SLC9D1: variants seen among roughly 807,000 people sequenced by gnomAD.
SLC9D1 encodes the protein solute carrier family 9 member D1, also known as putative LAG1-interacting protein.
chr13:113,530,851 C>G, the SLC9D1 span, among the ~76,000 whole-genome samples: 1 of 152,198 alleles, frequency 6.6e-6, no homozygotes, highest in Non-Finnish European at 1.5e-5. Flanking sequence ...AGTTTGAAAA[C>G]AGGTCAGCAG....
chr13:113,517,461 C>CTCG, the SLC9D1 span, among the ~76,000 whole-genome samples: 1 of 152,066 alleles, frequency 6.6e-6, no homozygotes, highest in East Asian at 1.9e-4. Context: ...ATCTCCTGAC[C>CTCG]TCGTGATCCG....
the SLC9D1 span, among the ~76,000 whole-genome samples, chr13:113,501,428 G>A: frequency 1.3e-5 from 2 of 152,182 alleles, no homozygotes; most frequent in South Asian, 2.1e-4. Context: ...ATACCATCCC[G>A]TTTTGTATCA....
the SLC9D1 span, among the ~76,000 whole-genome samples, chr13:113,530,901 A>C: frequency 6.6e-6 from 1 of 152,144 alleles, no homozygotes. Flanking sequence ...GGAAACACCC[A>C]CCCTCACACC....
At chr13:113,540,993 T>A in the SLC9D1 span, among the ~76,000 whole-genome samples, 1 of 152,208 alleles carries the variant, frequency 6.6e-6, no homozygotes, top group Non-Finnish European at 1.5e-5. Flanking sequence ...GTGCTTGTTA[T>A]CGTAGGCTTT....
chr13:113,518,278 C>T, the SLC9D1 span, among the ~76,000 whole-genome samples: 2 of 152,144 alleles, frequency 1.3e-5, no homozygotes, highest in African/African-American at 2.4e-5. Flanking sequence ...TGAAGTCCCT[C>T]GTGAGCAGTG....
the SLC9D1 span, chr13:113,495,799 C>T: frequency 6.2e-7 from 1 of 1,614,192 alleles, no homozygotes; most frequent in Non-Finnish European, 8.5e-7. Context: ...AAACTGAAAA[C>T]TGCAATTGGA....
chr13:113,537,809 C>T, the SLC9D1 span, among the ~76,000 whole-genome samples: 1 of 152,216 alleles, frequency 6.6e-6, no homozygotes, highest in Non-Finnish European at 1.5e-5. Flanking sequence ...CATTCATTCA[C>T]ATGCGTTTCT....
At chr13:113,538,854 C>T in the SLC9D1 span, among the ~76,000 whole-genome samples, 3 of 152,360 alleles carry the variant, frequency 2.0e-5, no homozygotes, top group South Asian at 2.1e-4. Context: ...GCCGTCCGGC[C>T]GGCGCGCTGA....
At chr13:113,496,982 A>G in the SLC9D1 span, among the ~76,000 whole-genome samples, 2 of 152,258 alleles carry the variant, frequency 1.3e-5, no homozygotes, top group Admixed American at 6.5e-5. Context: ...ACATATCAAC[A>G]GTATTTTAAC....
the SLC9D1 span, among the ~76,000 whole-genome samples, chr13:113,511,413 C>T: frequency 5.3e-5 from 8 of 152,236 alleles, no homozygotes; most frequent in African/African-American, 1.2e-4. Flanking sequence ...GGCCATGGGC[C>T]GCCAAGCAGG....
the SLC9D1 span, among the ~76,000 whole-genome samples, chr13:113,491,754 G>A: frequency 6.6e-6 from 1 of 152,180 alleles, no homozygotes; most frequent in African/African-American, 2.4e-5. Flanking sequence ...CAGAGATGCA[G>A]CCCTGTCCCT....
the SLC9D1 span, among the ~76,000 whole-genome samples, chr13:113,496,950 C>T: frequency 6.6e-6 from 1 of 152,192 alleles, no homozygotes; most frequent in Admixed American, 6.5e-5. Context: ...GTAACATTGG[C>T]TCCTGGTATG....
At chr13:113,537,906 T>C in the SLC9D1 span, among the ~76,000 whole-genome samples, 3 of 152,006 alleles carry the variant, frequency 2.0e-5, no homozygotes, top group Non-Finnish European at 2.9e-5. Flanking sequence ...TGTGCGTGCA[T>C]GTGCATGTGT....
At chr13:113,543,195 TC>T in the SLC9D1 span, among the ~76,000 whole-genome samples, 1 of 23,612 alleles carries the variant, frequency 4.2e-5, no homozygotes, top group African/African-American at 3.9e-4. Context: ...CCCCTGCCCC[TC>T]GCCCTCCCTC....
At chr13:113,549,695 T>C in the SLC9D1 span, 1 of 903,922 alleles carries the variant, frequency 1.1e-6, no homozygotes, top group Admixed American at 1.8e-5. Context: ...TTTTACAGAA[T>C]ATTCTTGTCC....
At chr13:113,504,034 G>A in the SLC9D1 span, 1 of 157,130 alleles carries the variant, frequency 6.4e-6, no homozygotes. Flanking sequence ...CCAGGGTGGG[G>A]AGAGGTAAAA....
the SLC9D1 span, among the ~76,000 whole-genome samples, chr13:113,541,059 C>T: frequency 6.6e-6 from 1 of 152,110 alleles, no homozygotes; most frequent in East Asian, 1.9e-4. Flanking sequence ...TTCTGCCTGT[C>T]CCGATGGCTT....
chr13:113,504,141 T>C, the SLC9D1 span: 1 of 152,330 alleles, frequency 6.6e-6, no homozygotes, highest in South Asian at 2.1e-4. Context: ...TTAGCAAAAG[T>C]TTTTAAGTGA....
At chr13:113,520,721 G>A in the SLC9D1 span, 63 of 1,611,628 alleles carry the variant, frequency 3.9e-5, 1 homozygote, top group Non-Finnish European at 4.9e-5. Context: ...GCGGGCGCCA[G>A]TGCATCTTCT....
Sources: allele counts gnomAD v4.1 joint callset (sites outside exome capture counted in the v4.1 genomes callset), GRCh38; gene constraint gnomAD v4.1.1; transcripts MANE v1.5; gene names NCBI Gene and HGNC (gene_info 2026-07-23, HGNC 2026-07-21).